MAPK10: variants seen among roughly 807,000 people sequenced by gnomAD.
MAPK10 encodes mitogen-activated protein kinase 10, also known as JNK3 alpha protein kinase.
A neutral mutation model predicts 59.3 loss-of-function variants in MAPK10; 25 were observed. The observed-to-expected ratio is 0.42, with a 90% confidence interval of 0.31 to 0.59. The LOEUF is 0.59. Among genes scored for constraint, MAPK10 ranks in the 20% least tolerant of loss-of-function variants. The pLI, the probability that MAPK10 is intolerant of heterozygous loss-of-function variation, is 0.15. For missense variants in MAPK10, 351 were observed against 568.9 expected (o/e 0.62, Z 3.90); for synonymous variants, 190 against 200.5 (o/e 0.95, Z 0.44).
intron 4 of MAPK10, among the ~76,000 whole-genome samples, chr4:86,132,764 G>A (rs2061246275): frequency 1.3e-5 from 2 of 152,140 alleles, no homozygotes; most frequent in South Asian, 2.1e-4. Flanking sequence ...AGGGATCTAG[G>A]TTGAACACTC....
At chr4:86,440,029 C>CA (rs1478481428) in intron 1 of MAPK10, among the ~76,000 whole-genome samples, 2 of 152,042 alleles carry the variant, frequency 1.3e-5, no homozygotes, top group Admixed American at 6.6e-5. Context: ...AGTGGGAATA[C>CA]AAATTTTTCT....
chr4:86,328,613 A>C (rs1443501974), intron 2 of MAPK10, among the ~76,000 whole-genome samples: 1 of 152,236 alleles, frequency 6.6e-6, no homozygotes, highest in East Asian at 1.9e-4. Context: ...AATGCCCATC[A>C]ATGATAGACT....
chr4:86,395,952 T>C (rs1345925699), intron 1 of MAPK10, among the ~76,000 whole-genome samples: 3 of 152,180 alleles, frequency 2.0e-5, no homozygotes, highest in Non-Finnish European at 2.9e-5. Flanking sequence ...AACATACGAA[T>C]TTTGGGAAGA....
At chr4:86,174,271 G>T (rs10213302) in intron 3 of MAPK10, among the ~76,000 whole-genome samples, 27,480 of 152,100 alleles carry the variant, frequency 0.18, 3,034 homozygotes, top group African/African-American at 0.31. Flanking sequence ...CATATACACC[G>T]TGGAATACTA....
chr4:86,381,139 G>T (rs1042320754), intron 1 of MAPK10, among the ~76,000 whole-genome samples: 4 of 152,110 alleles, frequency 2.6e-5, no homozygotes, highest in Admixed American at 6.5e-5. Flanking sequence ...TGGAATCTTT[G>T]AGGATCTGGC....
intron 1 of MAPK10, among the ~76,000 whole-genome samples, chr4:86,383,312 G>T (rs1022980930): frequency 1.3e-5 from 2 of 152,108 alleles, no homozygotes; most frequent in Admixed American, 6.6e-5. Context: ...GTGCCTCTGG[G>T]CTGTGTGACT....
chr4:86,369,462 C>T (rs1738419584), intron 1 of MAPK10, among the ~76,000 whole-genome samples: 1 of 152,054 alleles, frequency 6.6e-6, no homozygotes, highest in Non-Finnish European at 1.5e-5. Flanking sequence ...TGATCGTATA[C>T]AAACACTTAA....
intron 1 of MAPK10, among the ~76,000 whole-genome samples, chr4:86,423,770 C>CTATATATAT (rs1746860083): frequency 1.1e-5 from 1 of 91,620 alleles, no homozygotes; most frequent in African/African-American, 3.9e-5. Flanking sequence ...GATATATATA[C>CTATATATAT]ATATATATAT....
intron 1 of MAPK10, among the ~76,000 whole-genome samples, chr4:86,479,009 C>T (rs145934893): frequency 0.026 from 4,010 of 152,198 alleles, 82 homozygotes; most frequent in African/African-American, 0.062. Flanking sequence ...TGCCCAGGAC[C>T]GGCAAATTAG....
chr4:86,243,019 T>A (rs1427540207), intron 2 of MAPK10, among the ~76,000 whole-genome samples: 1 of 152,222 alleles, frequency 6.6e-6, no homozygotes, highest in Admixed American at 6.5e-5. Flanking sequence ...TTTTCCCAGC[T>A]GGGTAGCGCG....
chr4:86,102,605 C>G (rs2055674249), intron 6 of MAPK10: 1 of 153,364 alleles, frequency 6.5e-6, no homozygotes, highest in Non-Finnish European at 1.5e-5. Context: ...ACTGCAACCT[C>G]CGTCTCCCGG....
In MAPK10 at chr4:86,085,671, G is replaced by A. The variant is rs143673997; in HGVS notation, c.802+12853C>T. On this transcript the variant is annotated intron_variant, in intron 9 of 13. Coordinates refer to ENST00000641462, the MANE Select transcript of MAPK10 (RefSeq NM_138982.4). ...AAGTGTAAATTATCATAATAACTAG[G>A]AGAACAGTTCTGTGGTTCCTCAAAA... 1.3e-3 allele frequency among the ~76,000 whole-genome samples: 199 copies of A among 152,210 alleles called. 1 individual carries two copies. Among genetic ancestry groups the A allele is most frequent in the African/African-American group, 4.7e-3 (194 of 41,536 alleles).
At chr4:86,195,470 C>T (rs1472418110) in intron 2 of MAPK10, among the ~76,000 whole-genome samples, 1 of 152,128 alleles carries the variant, frequency 6.6e-6, no homozygotes, top group African/African-American at 2.4e-5. Context: ...AAGTTGAAAA[C>T]AATGTGAAAG....
At chr4:86,462,418 T>C (rs373692888) in intron 1 of MAPK10, among the ~76,000 whole-genome samples, 2 of 152,158 alleles carry the variant, frequency 1.3e-5, no homozygotes, top group East Asian at 3.8e-4. Flanking sequence ...CAGGAGGATT[T>C]GGAAGCACAA....
intron 1 of MAPK10, among the ~76,000 whole-genome samples, chr4:86,492,408 A>G (rs1754533006): frequency 6.6e-6 from 1 of 152,214 alleles, no homozygotes. Flanking sequence ...CACATTCCCT[A>G]TTCTTCTTGC....
chr4:86,326,790 C>A (rs1416502144), intron 2 of MAPK10: 1 of 152,176 alleles, frequency 6.6e-6, no homozygotes, highest in Non-Finnish European at 1.5e-5. Context: ...TTTATGCTAA[C>A]AATTGTATAA....
intron 1 of MAPK10, among the ~76,000 whole-genome samples, chr4:86,550,028 T>C (rs561185960): frequency 1.3e-5 from 2 of 152,290 alleles, no homozygotes; most frequent in African/African-American, 4.8e-5. Flanking sequence ...AGCTTTCAAG[T>C]AACCATGACT....
chr4:86,178,922 G>A (rs1010243752), intron 3 of MAPK10, among the ~76,000 whole-genome samples: 1 of 152,178 alleles, frequency 6.6e-6, no homozygotes, highest in Non-Finnish European at 1.5e-5. Context: ...CAAGAAGTTT[G>A]CTGGGTGTGG....
chr4:86,186,417 T>A (rs551572718), intron 3 of MAPK10, among the ~76,000 whole-genome samples: 1 of 152,288 alleles, frequency 6.6e-6, no homozygotes, highest in Admixed American at 6.5e-5. Context: ...CACATTTTAC[T>A]TTCTCATAGA....
Sources: allele counts gnomAD v4.1 joint callset (sites outside exome capture counted in the v4.1 genomes callset), GRCh38; gene constraint gnomAD v4.1.1; transcripts MANE v1.5; gene names NCBI Gene and HGNC (gene_info 2026-07-23, HGNC 2026-07-21).